Variants in DCAF1 observed in about 807,000 individuals in gnomAD.
DCAF1 encodes DDB1- and CUL4-associated factor 1.
Under a neutral mutation model 128.0 loss-of-function variants are expected in DCAF1, and 15 were observed. That is an observed-to-expected ratio of 0.12 (90% CI 0.08 to 0.18). The LOEUF is 0.18. Ranked by LOEUF, DCAF1 falls within the 10% of genes least tolerant of loss-of-function variation. DCAF1 has a pLI of 1.00. For synonymous variants in DCAF1, 610 were observed against 603.0 expected, an observed-to-expected ratio of 1.01 and a Z score of -0.17; for missense variants, 988 against 1,649.5, an observed-to-expected ratio of 0.60 and a Z score of 6.95.
intron 6 of DCAF1, among the ~76,000 whole-genome samples, chr3:51,456,731 C>T (rs1166486608): frequency 1.3e-5 from 2 of 152,188 alleles, no homozygotes; most frequent in African/African-American, 4.8e-5. Context: ...GAGGAACGAT[C>T]AGGCAGCAGC....
At chr3:51,419,684 A>G (rs1553631669) in intron 15 of DCAF1, 50 bp downstream of exon 15, 2 of 1,539,940 alleles carry the variant, frequency 1.3e-6, no homozygotes, top group Non-Finnish European at 8.7e-7. Context: ...TTTGATTTAA[A>G]TAAAAGAATC....
chr3:51,458,578 C>G (rs947085227), intron 6 of DCAF1, among the ~76,000 whole-genome samples: 3 of 152,182 alleles, frequency 2.0e-5, no homozygotes, highest in Admixed American at 2.0e-4. Context: ...CAGACATCTA[C>G]AGAACTCTCT....
intron 24 of DCAF1, among the ~76,000 whole-genome samples, chr3:51,400,787 C>T (rs2089620183): frequency 6.6e-6 from 1 of 152,030 alleles, no homozygotes; most frequent in Non-Finnish European, 1.5e-5. Flanking sequence ...TAACCTATCG[C>T]TCTACAACAT....
chr3:51,448,917 G>GTT (rs1354350315), intron 6 of DCAF1, among the ~76,000 whole-genome samples: 1 of 148,762 alleles, frequency 6.7e-6, no homozygotes, highest in Non-Finnish European at 1.5e-5. Context: ...GTTCTTTTAT[G>GTT]TTTTTTTTTT....
At chr3:51,400,245 G>A (rs1460691362) in intron 24 of DCAF1, among the ~76,000 whole-genome samples, 1 of 152,206 alleles carries the variant, frequency 6.6e-6, no homozygotes, top group South Asian at 2.1e-4. Flanking sequence ...CTCCTCTGCT[G>A]TAAGAGCTCC....
At chr3:51,495,846 C>T (rs1708178117) in intron 2 of DCAF1, among the ~76,000 whole-genome samples, 1 of 152,130 alleles carries the variant, frequency 6.6e-6, no homozygotes, top group Non-Finnish European at 1.5e-5. Flanking sequence ...AGTGCAGGGA[C>T]ACAATCTTGG....
chr3:51,495,017 T>C (rs1367995049), intron 2 of DCAF1, among the ~76,000 whole-genome samples: 1 of 152,242 alleles, frequency 6.6e-6, no homozygotes, highest in Admixed American at 6.5e-5. Context: ...ACCTTGTCTC[T>C]ATTATTTAAA....
In DCAF1 at chr3:51,398,283, A is replaced by C. The variant is rs2089357328; in HGVS notation, c.*486T>G. ...TAAATACGTATGTAAAAATGCCTCT[A>C]TATTGTTCTTTAGACATCATTTTCT... On this transcript the variant is annotated 3_prime_UTR_variant, in exon 25 of 25. Transcript: ENST00000684031. 2 of 152,342 alleles carry C rather than the reference A, an allele frequency of 1.3e-5. No homozygotes were observed. The highest frequency in any genetic ancestry group is 1.3e-4 in the Admixed American group (2 of 15,292). 9.4% of individuals were successfully genotyped at this position (152,342 alleles called of 1,614,324 possible).
intron 17 of DCAF1, among the ~76,000 whole-genome samples, chr3:51,417,856 T>C (rs1176413883): frequency 1.3e-5 from 2 of 151,796 alleles, no homozygotes; most frequent in African/African-American, 4.8e-5. Context: ...GACTGCAATG[T>C]CCTATGTGAA....
downstream of DCAF1, chr3:51,397,383 C>T (rs2089270535): frequency 6.0e-6 from 1 of 167,092 alleles, no homozygotes; most frequent in Admixed American, 6.5e-5. Flanking sequence ...CTACCCCTAA[C>T]CTGCCAGGAT....
At chr3:51,458,351 C>T (rs1553643508) in intron 6 of DCAF1, among the ~76,000 whole-genome samples, 1 of 152,150 alleles carries the variant, frequency 6.6e-6, no homozygotes, top group Non-Finnish European at 1.5e-5. Flanking sequence ...ATCAATTCAA[C>T]AAGAAGAGCT....
At chr3:51,418,221 G>A (rs1482554989) in intron 16 of DCAF1, 23 bp from the exon 17 acceptor site, 2 of 1,595,302 alleles carry the variant, frequency 1.3e-6, no homozygotes, top group African/African-American at 1.3e-5. Context: ...GGCGCAAGGT[G>A]GGTAACCACG....
intron 23 of DCAF1, among the ~76,000 whole-genome samples, chr3:51,406,244 G>A (rs1271152647): frequency 1.3e-5 from 2 of 149,604 alleles, no homozygotes; most frequent in Non-Finnish European, 3.0e-5. Context: ...TCTGGAGGCT[G>A]AGGCAGGAGA....
At chr3:51,437,881 CAGAAAAAAA>C (rs1700999338) in intron 9 of DCAF1, among the ~76,000 whole-genome samples, 1 of 150,872 alleles carries the variant, frequency 6.6e-6, no homozygotes, top group African/African-American at 2.4e-5. Flanking sequence ...GTCACTACGC[CAGAAAAAAA>C]AGAAAAAAGA....
At position 51,399,982 on chromosome 3, in the gene DCAF1, T is replaced by G. The variant is rs374897374; in HGVS notation, c.4466-1155A>C. 1.1e-4 allele frequency among the ~76,000 whole-genome samples: 17 copies of G among 152,270 alleles called. No homozygotes were observed. The East Asian group carries it at 2.7e-3, about 24-fold the overall frequency. On this transcript the variant is annotated intron_variant, in intron 24 of 24. Transcript: ENST00000684031. ...ATCATGTTCCCAAACCTTCCTTCAT[T>G]CATTATCCCCAAACACAACTTCCTT...
intron 6 of DCAF1, among the ~76,000 whole-genome samples, chr3:51,457,282 G>A (rs1703028461): frequency 6.6e-6 from 1 of 152,170 alleles, no homozygotes; most frequent in South Asian, 2.1e-4. Flanking sequence ...AGCCTCAGTA[G>A]CCGATGTGAT....
upstream of DCAF1, among the ~76,000 whole-genome samples, chr3:51,501,663 T>A (rs1553664345): frequency 6.6e-6 from 1 of 152,048 alleles, no homozygotes; most frequent in East Asian, 1.9e-4. Context: ...CCATCCTCCT[T>A]CTCTTAAATG....
intron 24 of DCAF1, among the ~76,000 whole-genome samples, chr3:51,402,669 G>A (rs1473820733): frequency 3.9e-5 from 5 of 127,568 alleles, no homozygotes; most frequent in Non-Finnish European, 7.9e-5. Context: ...CCGCCTCCCA[G>A]GTTCAAGCGA....
intron 23 of DCAF1, among the ~76,000 whole-genome samples, chr3:51,405,596 A>G (rs1176693543): frequency 6.6e-6 from 1 of 152,226 alleles, no homozygotes; most frequent in Admixed American, 6.5e-5. Flanking sequence ...TTAATGCCCA[A>G]TGCTGATTTC....
Sources: allele counts gnomAD v4.1 joint callset (sites outside exome capture counted in the v4.1 genomes callset), GRCh38; gene constraint gnomAD v4.1.1; transcripts MANE v1.5; gene names NCBI Gene and HGNC (gene_info 2026-07-23, HGNC 2026-07-21).